Variants in TSHZ2 observed in about 807,000 individuals in gnomAD.
TSHZ2 encodes the protein teashirt homolog 2.
In TSHZ2, 21 loss-of-function variants were observed where a neutral mutation model predicts 74.4. That is an observed-to-expected ratio of 0.28 (90% CI 0.20 to 0.41). The LOEUF (loss-of-function observed/expected upper bound fraction) is 0.41, where lower values mean the gene tolerates loss of function less well. Ranked by LOEUF, TSHZ2 falls within the 10% of genes least tolerant of loss-of-function variation. The pLI, the probability that TSHZ2 is intolerant of heterozygous loss-of-function variation, is 1.00. For synonymous variants in TSHZ2, 540 were observed against 515.3 expected, an observed-to-expected ratio of 1.05 and a Z score of -0.65; for missense variants, 1,244 against 1,293.5, an observed-to-expected ratio of 0.96 and a Z score of 0.59.
At chr20:53,276,250 T>TA (rs2145426813) in intron 2 of TSHZ2, among the ~76,000 whole-genome samples, 1 of 152,036 alleles carries the variant, frequency 6.6e-6, no homozygotes, top group African/African-American at 2.4e-5. Context: ...TTTCATTTTT[T>TA]TTTTTTTGGA....
At chr20:53,347,959 C>T (rs577878040) in intron 2 of TSHZ2, among the ~76,000 whole-genome samples, 7 of 152,120 alleles carry the variant, frequency 4.6e-5, no homozygotes, top group African/African-American at 9.7e-5. Flanking sequence ...CTCCCATACC[C>T]GTAACGTGGT....
chr20:53,315,932 T>C (rs1334868535), intron 2 of TSHZ2, among the ~76,000 whole-genome samples: 2 of 151,936 alleles, frequency 1.3e-5, no homozygotes, highest in Admixed American at 6.6e-5. Context: ...GGGTGTTCCA[T>C]AGGTGAAAGA....
chr20:53,053,811 A>G (rs1258543380), intron 1 of TSHZ2, among the ~76,000 whole-genome samples: 1 of 152,182 alleles, frequency 6.6e-6, no homozygotes, highest in Non-Finnish European at 1.5e-5. Context: ...GCTTTTATGA[A>G]TTTCAGTGTT....
At chr20:53,027,410 A>G (rs1250392610) in intron 1 of TSHZ2, among the ~76,000 whole-genome samples, 1 of 152,140 alleles carries the variant, frequency 6.6e-6, no homozygotes, top group Non-Finnish European at 1.5e-5. Context: ...ATGGTACTTT[A>G]TCTAATCTTA....
chr20:53,272,560 G>A lies in TSHZ2; in HGVS notation c.*8+15989G>A, dbSNP rs187298336. On this transcript the variant is annotated intron_variant, in intron 2 of 2. Transcript: ENST00000371497. ...TGGGCGAAATGACAATAATACTTAC[G>A]TCTCTCATCCGTGAGGCAGATCAAA... Among the ~76,000 whole-genome samples, 38 of 152,276 alleles carry A rather than the reference G, an allele frequency of 2.5e-4. 1 individual carries two copies. Among genetic ancestry groups the A allele is most frequent in the Admixed American group, 1.8e-3 (27 of 15,294 alleles).
At chr20:53,268,474 G>T (rs577229755) in intron 2 of TSHZ2, among the ~76,000 whole-genome samples, 1 of 152,260 alleles carries the variant, frequency 6.6e-6, no homozygotes, top group African/African-American at 2.4e-5. Flanking sequence ...AGGCAATAGC[G>T]TGACTTAGAA....
intron 2 of TSHZ2, among the ~76,000 whole-genome samples, chr20:53,436,632 G>A (rs996046257): frequency 7.0e-6 from 1 of 143,736 alleles, no homozygotes; most frequent in African/African-American, 2.6e-5. Context: ...TGCAACCTCC[G>A]CCTCCCGGGT....
At chr20:53,134,500 T>C (rs1257735296) in intron 1 of TSHZ2, among the ~76,000 whole-genome samples, 2 of 152,174 alleles carry the variant, frequency 1.3e-5, no homozygotes, top group Non-Finnish European at 2.9e-5. Flanking sequence ...CTGCTTACCA[T>C]CTGAAAGAAG....
intron 1 of TSHZ2, among the ~76,000 whole-genome samples, chr20:52,998,201 C>T (rs1982280204): frequency 6.6e-6 from 1 of 152,126 alleles, no homozygotes; most frequent in Admixed American, 6.5e-5. Context: ...CAGAGTCTTG[C>T]TCTGTCACCC....
chr20:52,991,157 T>C (rs1981971184), intron 1 of TSHZ2, among the ~76,000 whole-genome samples: 1 of 151,042 alleles, frequency 6.6e-6, no homozygotes, highest in African/African-American at 2.4e-5. Context: ...TGGGTATTAT[T>C]GTGTGTGTTG....
chr20:53,094,621 G>T (rs562100624), intron 1 of TSHZ2, among the ~76,000 whole-genome samples: 1 of 152,136 alleles, frequency 6.6e-6, no homozygotes, highest in Admixed American at 6.5e-5. Flanking sequence ...TCTGCCTGGC[G>T]TACTCTTGCT....
Position 53,108,467 on chromosome 20 carries a change from C to T in TSHZ2, c.40+135134C>T, listed in dbSNP as rs145644824. 3.5e-3 allele frequency among the ~76,000 whole-genome samples: 532 copies of T among 152,302 alleles called. 1 individual carries two copies. Among genetic ancestry groups the T allele is most frequent in the African/African-American group, 0.012 (478 of 41,558 alleles). On this transcript the variant is annotated intron_variant, in intron 1 of 2. Transcript: ENST00000371497. ...GGTTTTTACAATTATAGCTGGAAGA[C>T]GGTACGTGTTACCCTCAACACAAAG...
intron 2 of TSHZ2, among the ~76,000 whole-genome samples, chr20:53,298,826 TAAAAG>T (rs990981012): frequency 6.6e-6 from 1 of 152,214 alleles, no homozygotes; most frequent in Non-Finnish European, 1.5e-5. Flanking sequence ...TTGCAGTCCT[TAAAAG>T]AGATTGGTCA....
At chr20:53,365,484 T>A (rs576887462) in intron 2 of TSHZ2, among the ~76,000 whole-genome samples, 17 of 152,316 alleles carry the variant, frequency 1.1e-4, no homozygotes, top group African/African-American at 4.1e-4. Flanking sequence ...ATCTGAAGTT[T>A]TGCAAGTGGA....
At chr20:53,215,118 T>C (rs1989404927) in intron 1 of TSHZ2, among the ~76,000 whole-genome samples, 1 of 152,154 alleles carries the variant, frequency 6.6e-6, no homozygotes, top group Admixed American at 6.5e-5. Flanking sequence ...TGTTTGAGTT[T>C]TTTTTAAAGA....
intron 2 of TSHZ2, among the ~76,000 whole-genome samples, chr20:53,307,470 C>G (rs1197938440): frequency 6.6e-6 from 1 of 152,138 alleles, no homozygotes; most frequent in Non-Finnish European, 1.5e-5. Context: ...CTCCCTCCAG[C>G]CCCTTCTCCA....
At chr20:53,441,766 G>C (rs541517486) in intron 2 of TSHZ2, among the ~76,000 whole-genome samples, 2 of 152,020 alleles carry the variant, frequency 1.3e-5, no homozygotes, top group South Asian at 4.1e-4. Flanking sequence ...ATTTTCAATA[G>C]AGGCAGGGTT....
chr20:53,387,139 A>T (rs1982076689), intron 2 of TSHZ2, among the ~76,000 whole-genome samples: 1 of 152,112 alleles, frequency 6.6e-6, no homozygotes, highest in Non-Finnish European at 1.5e-5. Context: ...GATCGTTTTC[A>T]CTTGAATTTT....
intron 2 of TSHZ2, among the ~76,000 whole-genome samples, chr20:53,266,656 G>A (rs1487234913): frequency 6.6e-6 from 1 of 152,068 alleles, no homozygotes; most frequent in Non-Finnish European, 1.5e-5. Flanking sequence ...AAGTGTTTGT[G>A]TGCATGTACT....
Sources: allele counts gnomAD v4.1 joint callset (sites outside exome capture counted in the v4.1 genomes callset), GRCh38; gene constraint gnomAD v4.1.1; transcripts MANE v1.5; gene names NCBI Gene and HGNC (gene_info 2026-07-23, HGNC 2026-07-21).